The following ACSS3 variants were observed in gnomAD, a reference collection of about 807,000 sequenced individuals.
ACSS3 encodes acyl-CoA synthetase short-chain family member 3, mitochondrial.
A neutral mutation model predicts 84.2 loss-of-function variants in ACSS3; 64 were observed. The ratio of observed to expected loss-of-function variants is 0.76; its 90% CI spans 0.62 to 0.94. The LOEUF (loss-of-function observed/expected upper bound fraction) is 0.94, where lower values mean the gene tolerates loss of function less well. Ranked by LOEUF, ACSS3 falls within the 40% of genes least tolerant of loss-of-function variation. The pLI, the probability that ACSS3 is intolerant of heterozygous loss-of-function variation, is 0.00. For missense variants in ACSS3, 815 were observed against 867.6 expected (o/e 0.94, Z 0.76); for synonymous variants, 317 against 310.1 (o/e 1.02, Z -0.23).
chr12:81,176,926 C>T (rs891634033), intron 8 of ACSS3, among the ~76,000 whole-genome samples: 1 of 152,016 alleles, frequency 6.6e-6, no homozygotes, highest in Non-Finnish European at 1.5e-5. Context: ...AACAAAATAC[C>T]AGCAAACTGG....
chr12:81,217,064 A>T, intron 10 of ACSS3, 68 bp downstream of exon 10: 7 of 1,290,946 alleles, frequency 5.4e-6, no homozygotes, highest in Non-Finnish European at 7.7e-6. Flanking sequence ...AGTGTGTATT[A>T]TGTTGCATGA....
intron 2 of ACSS3, among the ~76,000 whole-genome samples, chr12:81,116,136 G>C (rs984884932): frequency 2.6e-5 from 4 of 151,896 alleles, no homozygotes; most frequent in Admixed American, 2.0e-4. Context: ...AGAAAGGCTT[G>C]TATTTCATTT....
At chr12:81,119,126 T>C (rs1884330343) in intron 2 of ACSS3, among the ~76,000 whole-genome samples, 1 of 152,086 alleles carries the variant, frequency 6.6e-6, no homozygotes, top group South Asian at 2.1e-4. Context: ...GGTAGGACTG[T>C]GATGCCCACC....
chr12:81,166,148 T>C (rs1051386863), intron 7 of ACSS3, among the ~76,000 whole-genome samples: 2 of 152,160 alleles, frequency 1.3e-5, no homozygotes, highest in African/African-American at 2.4e-5. Context: ...GGAAGTCCAA[T>C]TGGACTTGGA....
chr12:81,217,809 G>T (rs1449154920), intron 10 of ACSS3, among the ~76,000 whole-genome samples: 4 of 151,930 alleles, frequency 2.6e-5, no homozygotes, highest in African/African-American at 9.7e-5. Flanking sequence ...TGCCACTCCA[G>T]CCTAGGCAAC....
At chr12:81,252,775 C>T (rs1053985667) in intron 13 of ACSS3, among the ~76,000 whole-genome samples, 1 of 152,066 alleles carries the variant, frequency 6.6e-6, no homozygotes, top group Non-Finnish European at 1.5e-5. Flanking sequence ...CATATCCAGC[C>T]TCTTGCAAGT....
At chr12:81,219,551 A>C (rs2033033260) in intron 10 of ACSS3, among the ~76,000 whole-genome samples, 1 of 152,104 alleles carries the variant, frequency 6.6e-6, no homozygotes, top group South Asian at 2.1e-4. Flanking sequence ...GATTAAATTG[A>C]CCAAATTTAA....
chr12:81,147,884 C>T (rs745700879), intron 5 of ACSS3, among the ~76,000 whole-genome samples: 1 of 151,658 alleles, frequency 6.6e-6, no homozygotes, highest in Non-Finnish European at 1.5e-5. Flanking sequence ...CACACACACA[C>T]ACAAACGCAC....
intron 1 of ACSS3, among the ~76,000 whole-genome samples, chr12:81,107,784 C>T (rs1230074340): frequency 6.6e-6 from 1 of 151,664 alleles, no homozygotes; most frequent in Non-Finnish European, 1.5e-5. Flanking sequence ...GGGAGCATTG[C>T]TTCAAGACAT....
intron 7 of ACSS3, among the ~76,000 whole-genome samples, chr12:81,157,677 C>T (rs192032927): frequency 3.3e-5 from 5 of 151,926 alleles, no homozygotes; most frequent in East Asian, 3.9e-4. Flanking sequence ...CATGGTGGTG[C>T]GCACCTATAG....
rs146506387 is a variant in ACSS3, at chr12:81,099,550, G to A, written c.312-10010G>A. On this transcript the variant is annotated intron_variant, in intron 1 of 15. Coordinates refer to ENST00000548058, the MANE Select transcript of ACSS3 (RefSeq NM_024560.4). ...AGAATTTCATATTATAGGCCACACT[G>A]TTAAAAATATATTAAGCTTTGTTAT... Among the ~76,000 whole-genome samples, 761 of 152,220 alleles carry A rather than the reference G, an allele frequency of 5.0e-3. 5 individuals carry two copies. The highest frequency in any genetic ancestry group is 0.017 in the African/African-American group (724 of 41,524).
intron 13 of ACSS3, among the ~76,000 whole-genome samples, chr12:81,251,565 C>T (rs530106431): frequency 6.6e-6 from 1 of 151,036 alleles, no homozygotes; most frequent in Admixed American, 6.6e-5. Context: ...GGCGTGGTAG[C>T]TTATGCCTGT....
intron 2 of ACSS3, among the ~76,000 whole-genome samples, chr12:81,111,387 G>A (rs1053517505): frequency 6.6e-6 from 1 of 152,142 alleles, no homozygotes; most frequent in African/African-American, 2.4e-5. Context: ...TACAAGACAT[G>A]GGGTTTTACT....
intron 7 of ACSS3, among the ~76,000 whole-genome samples, chr12:81,158,779 A>G (rs1887006483): frequency 6.6e-6 from 1 of 152,060 alleles, no homozygotes; most frequent in Non-Finnish European, 1.5e-5. Context: ...GACCTCCCTG[A>G]TTAGGTCAAA....
intron 13 of ACSS3, among the ~76,000 whole-genome samples, chr12:81,242,848 G>A (rs188617527): frequency 7.0e-4 from 106 of 152,038 alleles, no homozygotes; most frequent in African/African-American, 2.6e-3. Context: ...AGATATTGAT[G>A]GGATGTATCT....
chr12:81,223,166 T>TAA (rs1233150486), intron 11 of ACSS3, among the ~76,000 whole-genome samples: 1 of 152,046 alleles, frequency 6.6e-6, no homozygotes, highest in African/African-American at 2.4e-5. Context: ...GGTCTCTGGC[T>TAA]CTTTCTCTCT....
intron 4 of ACSS3, 149 bp from the exon 5 acceptor site, chr12:81,142,958 T>C: frequency 1.4e-6 from 1 of 705,856 alleles, no homozygotes; most frequent in South Asian, 6.0e-5. Flanking sequence ...ATCATGAACT[T>C]GAACTTTTTA....
At chr12:81,208,828 T>C (rs1008311814) in intron 9 of ACSS3, among the ~76,000 whole-genome samples, 2 of 152,140 alleles carry the variant, frequency 1.3e-5, no homozygotes, top group Admixed American at 1.3e-4. Context: ...TCACAGTCCT[T>C]TGGTGGTCTA....
chr12:81,190,330 CT>C (rs2031500563), intron 8 of ACSS3, among the ~76,000 whole-genome samples: 2 of 151,986 alleles, frequency 1.3e-5, no homozygotes, highest in African/African-American at 4.8e-5. Flanking sequence ...TTTTGGCTTA[CT>C]GTGTGAAAAT....
Sources: allele counts gnomAD v4.1 joint callset (sites outside exome capture counted in the v4.1 genomes callset), GRCh38; gene constraint gnomAD v4.1.1; transcripts MANE v1.5; gene names NCBI Gene and HGNC (gene_info 2026-07-23, HGNC 2026-07-21).